Variants in NR1H4 observed in about 807,000 individuals in gnomAD.
NR1H4 encodes the protein nuclear receptor subfamily 1 group H member 4.
Under a neutral mutation model 58.5 loss-of-function variants are expected in NR1H4, and 23 were observed. The observed-to-expected ratio is 0.39, with a 90% CI of 0.28 to 0.56. The LOEUF is 0.56. Among genes scored for constraint, NR1H4 ranks in the 20% least tolerant of loss-of-function variants. The probability of loss-of-function intolerance (pLI) is 0.58; values close to 1 mark genes in which losing one functional copy is unlikely to be tolerated. For missense variants in NR1H4, 487 were observed against 576.9 expected (o/e 0.84, Z 1.60); for synonymous variants, 214 against 198.0 (o/e 1.08, Z -0.68).
intron 9 of NR1H4, among the ~76,000 whole-genome samples, chr12:100,550,608 T>C (rs1955182627): frequency 6.6e-6 from 1 of 151,322 alleles, no homozygotes; most frequent in African/African-American, 2.4e-5. Flanking sequence ...TCAGGTGATC[T>C]TTCCGCCTCA....
chr12:100,536,546 T>C lies in NR1H4; in HGVS notation c.767T>C (p.Leu256Pro). ...KTELTPDQQT[L>P]LHFIMDSYNK... ...GAACTCACCCCAGATCAACAGACTC[T>C]TCTACATTTTATTATGGATTCATAT... Residue 256 changes from leucine (L) to proline (P), a missense_variant, in exon 7 of 11, where the codon CTT becomes CCT. Physicochemically the swap from Leu to Pro is moderately conservative, Grantham distance 98. Coordinates refer to ENST00000392986, the MANE Select transcript of NR1H4 (RefSeq NM_001206979.2). 6.2e-7 allele frequency: 1 copy of C among 1,609,986 alleles called. No individual in the cohort carries two copies. Among genetic ancestry groups the C allele is most frequent in the East Asian group, 2.2e-5 (1 of 44,754 alleles).
At chr12:100,553,632 G>A (rs942987894) in intron 9 of NR1H4, among the ~76,000 whole-genome samples, 1 of 152,170 alleles carries the variant, frequency 6.6e-6, no homozygotes. Flanking sequence ...GTAAGAAAAT[G>A]TATGAGCTCA....
intron 8 of NR1H4, 104 bp from the exon 9 acceptor site, chr12:100,540,568 A>G (rs1471459034): frequency 7.6e-7 from 1 of 1,307,192 alleles, no homozygotes; most frequent in African/African-American, 1.5e-5. Context: ...CCAATTTTAA[A>G]CAACTACAGA....
intron 5 of NR1H4, among the ~76,000 whole-genome samples, chr12:100,534,274 T>C (rs1954764402): frequency 6.6e-6 from 1 of 152,238 alleles, no homozygotes. Flanking sequence ...CTTGTATTAT[T>C]TTTATTTTTA....
chr12:100,536,859 T>C, intron 7 of NR1H4, 89 bp from the exon 8 acceptor site: 1 of 836,820 alleles, frequency 1.2e-6, no homozygotes, highest in South Asian at 1.7e-5. Context: ...AATTTTATCA[T>C]CTAAACCTAG....
At chr12:100,551,755 G>A (rs1955207330) in intron 9 of NR1H4, among the ~76,000 whole-genome samples, 1 of 152,098 alleles carries the variant, frequency 6.6e-6, no homozygotes, top group Non-Finnish European at 1.5e-5. Context: ...GTCGCCCCTT[G>A]GTATCCACAG....
At chr12:100,500,251 T>A (rs1225756513) in intron 3 of NR1H4, among the ~76,000 whole-genome samples, 1 of 152,208 alleles carries the variant, frequency 6.6e-6, no homozygotes, top group Non-Finnish European at 1.5e-5. Flanking sequence ...CTGCTGACCA[T>A]GTCTGTTCTG....
chr12:100,553,137 T>G (rs553337531), intron 9 of NR1H4, among the ~76,000 whole-genome samples: 1 of 152,252 alleles, frequency 6.6e-6, no homozygotes, highest in East Asian at 1.9e-4. Context: ...TAGCTGGGAC[T>G]ACAGGCGCGT....
At chr12:100,549,514 A>G (rs906458886) in intron 9 of NR1H4, among the ~76,000 whole-genome samples, 2 of 152,182 alleles carry the variant, frequency 1.3e-5, no homozygotes, top group African/African-American at 4.8e-5. Flanking sequence ...AGACCTGTAA[A>G]GAGAACTACT....
chr12:100,489,094 G>A (rs185922757), intron 1 of NR1H4, among the ~76,000 whole-genome samples: 77 of 152,282 alleles, frequency 5.1e-4, no homozygotes, highest in African/African-American at 1.7e-3. Context: ...CAAAGTAACC[G>A]TAATTAGACA....
chr12:100,552,369 A>G (rs961274704), intron 9 of NR1H4, among the ~76,000 whole-genome samples: 1 of 152,174 alleles, frequency 6.6e-6, no homozygotes, highest in African/African-American at 2.4e-5. Flanking sequence ...GCAGCTGTTT[A>G]CTTAGGACCA....
rs188474171 is a variant in NR1H4, at chr12:100,489,336, G to A, written c.-189-3167G>A. On this transcript the variant is annotated intron_variant, in intron 1 of 10. Transcript: ENST00000392986. Reference sequence around the variant, plus strand: ...GGATTAACATACTTTTTGTGTAAAAGGCTAGATAGTAAATATTTTTGGGTT... The same window carrying A: ...GGATTAACATACTTTTTGTGTAAAAAGCTAGATAGTAAATATTTTTGGGTT... Among the ~76,000 whole-genome samples the A allele has an allele frequency of 4.5e-4, 68 of 152,206 alleles. No individual in the cohort carries two copies. In the East Asian group the frequency reaches 0.012, roughly 26 times the overall value.
At chr12:100,542,319 C>T (rs1954956986) in intron 9 of NR1H4, among the ~76,000 whole-genome samples, 1 of 152,038 alleles carries the variant, frequency 6.6e-6, no homozygotes, top group East Asian at 1.9e-4. Context: ...CACACTCCAG[C>T]CTGGGCAACA....
intron 3 of NR1H4, among the ~76,000 whole-genome samples, chr12:100,504,346 A>G (rs1953907936): frequency 6.6e-6 from 1 of 152,194 alleles, no homozygotes; most frequent in African/African-American, 2.4e-5. Flanking sequence ...TTGGTCATAG[A>G]CTTGGTAGCA....
intron 3 of NR1H4, chr12:100,503,490 G>A (rs766734563): frequency 4.1e-5 from 66 of 1,594,032 alleles, no homozygotes; most frequent in South Asian, 2.0e-4. Flanking sequence ...TATGAAGCCC[G>A]CGAAAGGTAG....
intron 4 of NR1H4, among the ~76,000 whole-genome samples, chr12:100,511,751 G>C (rs112362094): frequency 2.6e-5 from 4 of 151,388 alleles, no homozygotes; most frequent in Non-Finnish European, 4.4e-5. Flanking sequence ...GTGAAATCTC[G>C]TCTCTACTAA....
chr12:100,498,030 G>A (rs1276074414), intron 3 of NR1H4, among the ~76,000 whole-genome samples: 1 of 152,122 alleles, frequency 6.6e-6, no homozygotes, highest in Non-Finnish European at 1.5e-5. Context: ...TGGAAATAAG[G>A]AATAAAATAG....
At chr12:100,526,250 G>A (rs1368293630) in intron 4 of NR1H4, among the ~76,000 whole-genome samples, 1 of 150,874 alleles carries the variant, frequency 6.6e-6, no homozygotes, top group African/African-American at 2.4e-5. Context: ...TCCTAAAGTG[G>A]AAGCTTAGAT....
At position 100,510,886 on chromosome 12, in the gene NR1H4, C is replaced by T. The variant is rs1048755245; in HGVS notation, c.188C>T (p.Ser63Leu). The change falls in exon 4 of 11, where the codon TCG (serine) becomes TTG (leucine). Residue 63 changes from serine to leucine, a missense_variant. Physicochemically the swap from Ser to Leu is moderately radical, Grantham distance 145. Transcript: ENST00000392986. Reference sequence around the variant, plus strand: ...CCCCAAGTTCAACCACAGATTTCCTCGTCATCCTATTATTCCAACCTGGGT... The same window carrying T: ...CCCCAAGTTCAACCACAGATTTCCTTGTCATCCTATTATTCCAACCTGGGT... ...QFPQVQPQIS[S>L]SSYYSNLGFY... 9 of 1,614,168 alleles carry T rather than the reference C, an allele frequency of 5.6e-6. No individual in the cohort carries two copies. The highest frequency in any genetic ancestry group is 4.4e-5 in the South Asian group (4 of 91,086).
Sources: allele counts gnomAD v4.1 joint callset (sites outside exome capture counted in the v4.1 genomes callset), GRCh38; gene constraint gnomAD v4.1.1; transcripts MANE v1.5; gene names NCBI Gene and HGNC (gene_info 2026-07-23, HGNC 2026-07-21).